Variants in MIPOL1 observed in about 807,000 individuals in gnomAD.
MIPOL1 encodes the protein mirror-image polydactyly gene 1 protein.
MIPOL1 carries 57 observed loss-of-function variants against 60.9 expected under a neutral mutation model. That is an observed-to-expected ratio of 0.94 (90% CI 0.76 to 1.17). MIPOL1 has a LOEUF of 1.17. Ranked by LOEUF, MIPOL1 falls within the 50% of genes most tolerant of loss-of-function variation. The probability of loss-of-function intolerance (pLI) is 0.00; values close to 1 mark genes in which losing one functional copy is unlikely to be tolerated. For missense variants in MIPOL1, 551 were observed against 511.6 expected (o/e 1.08, Z -0.74); for synonymous variants, 179 against 168.8 (o/e 1.06, Z -0.47).
intron 11 of MIPOL1, among the ~76,000 whole-genome samples, chr14:37,476,701 C>T (rs1350376252): frequency 1.3e-5 from 2 of 151,868 alleles, no homozygotes; most frequent in Non-Finnish European, 2.9e-5. Flanking sequence ...GATTTTTAGT[C>T]TTTAGACTAT....
chr14:37,544,759 C>T (rs1047694170), intron 12 of MIPOL1, among the ~76,000 whole-genome samples: 3 of 152,158 alleles, frequency 2.0e-5, no homozygotes, highest in Non-Finnish European at 2.9e-5. Flanking sequence ...ATAAATCATT[C>T]GACCTGGATA....
intron 1 of MIPOL1, among the ~76,000 whole-genome samples, chr14:37,199,113 T>A (rs1180914900): frequency 6.6e-6 from 1 of 152,164 alleles, no homozygotes; most frequent in Non-Finnish European, 1.5e-5. Context: ...GATATTTTTA[T>A]TGCGTTAATA....
At chr14:37,552,150 G>A (rs1286723015), downstream of MIPOL1, 1 of 152,020 alleles carries the variant, frequency 6.6e-6, no homozygotes, top group Non-Finnish European at 1.5e-5. Flanking sequence ...TGGGCAGTAG[G>A]TGTCTTTGGG....
intron 6 of MIPOL1, among the ~76,000 whole-genome samples, chr14:37,275,189 C>T (rs1055114827): frequency 6.6e-6 from 1 of 151,032 alleles, no homozygotes; most frequent in African/African-American, 2.4e-5. Flanking sequence ...GCTGAAATGA[C>T]CATCTCACTC....
At chr14:37,518,725 C>G (rs1216073156) in intron 12 of MIPOL1, among the ~76,000 whole-genome samples, 1 of 152,130 alleles carries the variant, frequency 6.6e-6, no homozygotes, top group Non-Finnish European at 1.5e-5. Context: ...ATTTTAGTTT[C>G]TAAGTACCAT....
chr14:37,529,710 G>A (rs1460781236), intron 12 of MIPOL1, among the ~76,000 whole-genome samples: 1 of 152,094 alleles, frequency 6.6e-6, no homozygotes, highest in Non-Finnish European at 1.5e-5. Context: ...TTAGCATAGG[G>A]GAAAGAAGAG....
chr14:37,280,815 G>A (rs1233729949), intron 6 of MIPOL1, among the ~76,000 whole-genome samples: 1 of 151,838 alleles, frequency 6.6e-6, no homozygotes, highest in Admixed American at 6.6e-5. Flanking sequence ...CATGCCACCA[G>A]GACTGGCTAA....
intron 12 of MIPOL1, among the ~76,000 whole-genome samples, chr14:37,533,198 G>A (rs989463413): frequency 2.0e-5 from 3 of 152,000 alleles, no homozygotes; most frequent in Admixed American, 2.0e-4. Context: ...AAAAAGATTA[G>A]GACTTTATAC....
At chr14:37,389,316 C>T (rs2093168713) in intron 10 of MIPOL1, among the ~76,000 whole-genome samples, 1 of 151,904 alleles carries the variant, frequency 6.6e-6, no homozygotes, top group South Asian at 2.1e-4. Flanking sequence ...TAGTAAAACA[C>T]ACTTCATTTC....
chr14:37,484,113 T>C (rs897163564), intron 11 of MIPOL1, among the ~76,000 whole-genome samples: 5 of 152,208 alleles, frequency 3.3e-5, no homozygotes, highest in African/African-American at 1.2e-4. Flanking sequence ...AGCTATGAGT[T>C]CTGTCATTTG....
intron 10 of MIPOL1, among the ~76,000 whole-genome samples, chr14:37,411,151 T>C (rs1201181100): frequency 6.6e-6 from 1 of 152,180 alleles, no homozygotes; most frequent in Non-Finnish European, 1.5e-5. Context: ...AAAAGAATGC[T>C]GTTATAGCTA....
chr14:37,291,913 A>AT, intron 7 of MIPOL1, among the ~76,000 whole-genome samples: 1 of 139,770 alleles, frequency 7.2e-6, no homozygotes, highest in Non-Finnish European at 1.5e-5. Flanking sequence ...CAATGGCAAT[A>AT]ATTTTTTTTT....
chr14:37,452,125 C>G (rs960473974), intron 11 of MIPOL1, among the ~76,000 whole-genome samples: 1 of 152,088 alleles, frequency 6.6e-6, no homozygotes, highest in African/African-American at 2.4e-5. Flanking sequence ...TGTTTATTCT[C>G]TTTGCCTAGC....
At chr14:37,467,095 A>T (rs903378243) in intron 11 of MIPOL1, among the ~76,000 whole-genome samples, 1 of 152,248 alleles carries the variant, frequency 6.6e-6, no homozygotes, top group African/African-American at 2.4e-5. Flanking sequence ...GTTTAACATT[A>T]TCAGACTGCA....
intron 7 of MIPOL1, among the ~76,000 whole-genome samples, 169 bp downstream of exon 7, chr14:37,285,616 G>T (rs2084492680): frequency 6.6e-6 from 1 of 150,700 alleles, no homozygotes; most frequent in Admixed American, 6.6e-5. Flanking sequence ...TTTTGAGACG[G>T]AGTCTTGCCC....
intron 1 of MIPOL1, among the ~76,000 whole-genome samples, chr14:37,199,675 C>T (rs1484050327): frequency 6.6e-6 from 1 of 152,096 alleles, no homozygotes; most frequent in Non-Finnish European, 1.5e-5. Context: ...CAGGTGCCTA[C>T]CACCACGCCT....
intron 7 of MIPOL1, among the ~76,000 whole-genome samples, chr14:37,304,311 C>T (rs950789235): frequency 2.0e-5 from 3 of 151,508 alleles, no homozygotes; most frequent in Non-Finnish European, 4.4e-5. Context: ...TTCTTTACCC[C>T]TTGGCTTTAA....
At chr14:37,228,852 G>A (rs1178573330) in intron 1 of MIPOL1, among the ~76,000 whole-genome samples, 2 of 152,146 alleles carry the variant, frequency 1.3e-5, no homozygotes, top group Non-Finnish European at 2.9e-5. Flanking sequence ...AGCACTTTGG[G>A]AGGACAAGGC....
At chr14:37,271,699 G>A (rs1293842980) in intron 6 of MIPOL1, among the ~76,000 whole-genome samples, 2 of 151,568 alleles carry the variant, frequency 1.3e-5, no homozygotes, top group African/African-American at 4.8e-5. Flanking sequence ...GAACAATTTG[G>A]CAATTTCTTG....
Sources: allele counts gnomAD v4.1 joint callset (sites outside exome capture counted in the v4.1 genomes callset), GRCh38; gene constraint gnomAD v4.1.1; transcripts MANE v1.5; gene names NCBI Gene and HGNC (gene_info 2026-07-23, HGNC 2026-07-21).